Variants in MAST4 observed in about 807,000 individuals in gnomAD.
MAST4 encodes the protein microtubule-associated serine/threonine-protein kinase 4.
A neutral mutation model predicts 162.7 loss-of-function variants in MAST4; 89 were observed. The observed-to-expected ratio is 0.55, with a 90% CI of 0.46 to 0.65. The LOEUF is 0.65. Among genes scored for constraint, MAST4 ranks in the 30% least tolerant of loss-of-function variants. The pLI is 0.00. For missense variants in MAST4, 3,153 were observed against 3,374.0 expected (o/e 0.93, Z 1.62); for synonymous variants, 1,479 against 1,361.1 (o/e 1.09, Z -1.91).
intron 1 of MAST4, among the ~76,000 whole-genome samples, chr5:66,681,447 G>A (rs1039524641): frequency 1.3e-5 from 2 of 152,188 alleles, no homozygotes; most frequent in African/African-American, 4.8e-5. Context: ...GAGAATGCAG[G>A]TTCCTGGGCC....
chr5:67,103,774 T>C (rs750470358), intron 9 of MAST4, among the ~76,000 whole-genome samples: 5 of 152,224 alleles, frequency 3.3e-5, no homozygotes, highest in Non-Finnish European at 7.3e-5. Context: ...TGTGGAACTC[T>C]AGCAACAACC....
At chr5:67,011,062 GTTTCC>G (rs1752612173) in intron 4 of MAST4, among the ~76,000 whole-genome samples, 1 of 152,176 alleles carries the variant, frequency 6.6e-6, no homozygotes, top group South Asian at 2.1e-4. Flanking sequence ...GGCAATGACA[GTTTCC>G]TTTTCACCTC....
At chr5:66,887,405 T>C (rs1762107907) in intron 3 of MAST4, among the ~76,000 whole-genome samples, 1 of 152,236 alleles carries the variant, frequency 6.6e-6, no homozygotes, top group South Asian at 2.1e-4. Flanking sequence ...CAAAGTTTAT[T>C]TAGTACTAGC....
intron 1 of MAST4, among the ~76,000 whole-genome samples, chr5:66,725,986 A>T (rs1185494639): frequency 2.6e-5 from 4 of 152,154 alleles, no homozygotes; most frequent in East Asian, 1.9e-4. Flanking sequence ...GGAGATACAC[A>T]CAAACTAGAT....
chr5:66,837,889 TA>T (rs1758117035), intron 3 of MAST4, among the ~76,000 whole-genome samples: 9 of 28,322 alleles, frequency 3.2e-4, no homozygotes, highest in African/African-American at 1.4e-3. Context: ...TATATATATA[TA>T]TATATTTTTT....
At position 67,145,285 on chromosome 5, in the gene MAST4, G is replaced by A. The variant is rs752758651; in HGVS notation, c.3000G>A (p.Glu1000=). The change falls in exon 23 of 29, where the codon GAG becomes GAA. Residue 1000 remains glutamate, a synonymous_variant. Transcript: ENST00000403625. ...CCTGCCCTGGAGACCCCCATGAGGA[G>A]CCAGGAAAGCCAGCCCTTCCTCCTG... ...AASCPGDPHE[E]PGKPALPPEE... is the part of the protein sequence containing the mutation. 5 of 1,613,796 alleles carry A rather than the reference G, an allele frequency of 3.1e-6. No homozygotes were observed. The East Asian group carries it at 1.1e-4, about 36-fold the overall frequency.
intron 1 of MAST4, among the ~76,000 whole-genome samples, chr5:66,649,930 C>T (rs1561237709): frequency 2.7e-5 from 4 of 150,358 alleles, no homozygotes; most frequent in Admixed American, 1.3e-4. Context: ...ATCAATTTCT[C>T]AGTGATTGCC....
rs1387287186 is a variant in MAST4, at chr5:66,847,692, G to T, written c.643-52259G>T. On this transcript the variant is annotated intron_variant, in intron 3 of 28. Transcript: ENST00000403625. ...AAATATTAGCTGGAGGTGGTGGTGG[G>T]AGCCTGTAATCCCAGCTACTTGGGA... Among the ~76,000 whole-genome samples, 10 of 151,180 alleles carry T rather than the reference G, an allele frequency of 6.6e-5. No homozygotes were observed. In the South Asian group the frequency reaches 1.1e-3, roughly 16 times the overall value.
Position 67,129,595 on chromosome 5 carries a change from G to A in MAST4, c.1746-615G>A, listed in dbSNP as rs192826690. ...AAAAATTAGCTGGGCATGGTGGCGT[G>A]CACCTGTAATCCCATCTACCCAGGA... On this transcript the variant is annotated intron_variant, in intron 14 of 28. Transcript: ENST00000403625. 3.3e-5 allele frequency among the ~76,000 whole-genome samples: 5 copies of A among 151,990 alleles called. No individual in the cohort carries two copies. The East Asian group carries it at 9.7e-4, about 30-fold the overall frequency.
At chr5:67,028,350 T>C (rs556453059) in intron 4 of MAST4, among the ~76,000 whole-genome samples, 1 of 152,062 alleles carries the variant, frequency 6.6e-6, no homozygotes, top group Non-Finnish European at 1.5e-5. Context: ...AAACAGGAAA[T>C]GTACTCTGAG....
chr5:66,939,348 G>A (rs1041153951), intron 4 of MAST4, among the ~76,000 whole-genome samples: 8 of 152,052 alleles, frequency 5.3e-5, no homozygotes, highest in African/African-American at 1.7e-4. Context: ...ATATATACAC[G>A]TATTCCACTT....
At chr5:66,800,709 C>CATAA (rs776466076) in intron 3 of MAST4, among the ~76,000 whole-genome samples, 1 of 152,096 alleles carries the variant, frequency 6.6e-6, no homozygotes, top group Non-Finnish European at 1.5e-5. Context: ...AAAAACACTA[C>CATAA]ATAAATAAAT....
intron 2 of MAST4, among the ~76,000 whole-genome samples, chr5:66,779,629 GTC>G (rs1384884807): frequency 6.6e-6 from 1 of 152,152 alleles, no homozygotes; most frequent in Non-Finnish European, 1.5e-5. Context: ...AAGAAACCAT[GTC>G]TCTCTTGCGG....
intron 3 of MAST4, among the ~76,000 whole-genome samples, chr5:66,798,613 T>C (rs534619133): frequency 1.1e-4 from 16 of 152,336 alleles, no homozygotes; most frequent in African/African-American, 3.4e-4. Flanking sequence ...TACATTACTG[T>C]TTTCACAGTA....
intron 1 of MAST4, among the ~76,000 whole-genome samples, chr5:66,639,749 T>C (rs1258873145): frequency 1.3e-5 from 2 of 152,190 alleles, no homozygotes; most frequent in South Asian, 2.1e-4. Flanking sequence ...AATGTAAAAT[T>C]AAACCTAAGT....
intron 1 of MAST4, among the ~76,000 whole-genome samples, chr5:66,673,664 T>G (rs963114442): frequency 1.6e-4 from 24 of 151,988 alleles, no homozygotes; most frequent in Admixed American, 2.0e-4. Context: ...CCTGCTAATT[T>G]TTTGTATTTT....
At chr5:66,986,299 G>C (rs765293772) in intron 4 of MAST4, 23 of 494,516 alleles carry the variant, frequency 4.7e-5, no homozygotes, top group African/African-American at 8.0e-5. Flanking sequence ...TCTGGAAAGG[G>C]AAACTGAGCC....
intron 1 of MAST4, among the ~76,000 whole-genome samples, chr5:66,647,740 C>T (rs1745935801): frequency 1.3e-5 from 2 of 152,184 alleles, no homozygotes; most frequent in African/African-American, 4.8e-5. Context: ...TATACTCACA[C>T]CTGGCCAGCT....
At chr5:67,035,534 G>A (rs1319694194) in intron 4 of MAST4, among the ~76,000 whole-genome samples, 2 of 152,116 alleles carry the variant, frequency 1.3e-5, no homozygotes, top group Admixed American at 6.6e-5. Flanking sequence ...GTGGTCAAGT[G>A]ACACAGAAAC....
Sources: allele counts gnomAD v4.1 joint callset (sites outside exome capture counted in the v4.1 genomes callset), GRCh38; gene constraint gnomAD v4.1.1; transcripts MANE v1.5; gene names NCBI Gene and HGNC (gene_info 2026-07-23, HGNC 2026-07-21).